Variants in CAMTA1 observed in about 807,000 individuals in gnomAD.
CAMTA1 encodes calmodulin binding transcription activator 1.
CAMTA1 carries 27 observed loss-of-function variants against 170.9 expected under a neutral mutation model. The observed-to-expected ratio is 0.16, with a 90% CI of 0.12 to 0.22. The LOEUF (loss-of-function observed/expected upper bound fraction) is 0.22. CAMTA1 is among the 10% of genes least tolerant of loss of function. The probability of loss-of-function intolerance (pLI) is 1.00; values close to 1 mark genes in which losing one functional copy is unlikely to be tolerated. For missense variants in CAMTA1, 1,619 were observed against 2,217.2 expected, an observed-to-expected ratio of 0.73 and a Z score of 5.42; for synonymous variants, 833 against 891.5, an observed-to-expected ratio of 0.93 and a Z score of 1.17.
intron 3 of CAMTA1, among the ~76,000 whole-genome samples, chr1:7,037,993 C>T (rs2101245846): frequency 6.6e-6 from 1 of 151,342 alleles, no homozygotes; most frequent in East Asian, 1.9e-4. Context: ...TATTTTCCAG[C>T]TGTAAGACCT....
chr1:7,568,365 C>CCA (rs2095072039), intron 6 of CAMTA1, among the ~76,000 whole-genome samples: 2 of 148,738 alleles, frequency 1.3e-5, no homozygotes, highest in African/African-American at 2.5e-5. Context: ...ATCGACATCA[C>CCA]TGTCATCACC....
At chr1:7,043,363 A>C (rs988985629) in intron 3 of CAMTA1, among the ~76,000 whole-genome samples, 1 of 80,588 alleles carries the variant, frequency 1.2e-5, no homozygotes, top group Non-Finnish European at 2.4e-5. Flanking sequence ...GAGTGTGTGC[A>C]TGTCTCTGTG....
intron 3 of CAMTA1, among the ~76,000 whole-genome samples, chr1:7,082,016 G>T (rs1239588657): frequency 6.6e-6 from 1 of 152,158 alleles, no homozygotes; most frequent in Non-Finnish European, 1.5e-5. Context: ...AAAACATTCA[G>T]CTTTGTTCCA....
chr1:7,252,696 C>T (rs1666811703), intron 5 of CAMTA1, among the ~76,000 whole-genome samples: 1 of 152,216 alleles, frequency 6.6e-6, no homozygotes, highest in Non-Finnish European at 1.5e-5. Flanking sequence ...CAGCCAGCTA[C>T]TCTTCTGCTG....
chr1:7,406,403 G>A (rs750835986), intron 5 of CAMTA1, among the ~76,000 whole-genome samples: 3 of 152,174 alleles, frequency 2.0e-5, no homozygotes, highest in Non-Finnish European at 4.4e-5. Context: ...CACTATGCAG[G>A]GCAGTCCTCC....
chr1:7,296,023 C>T (rs1181269283), intron 5 of CAMTA1, among the ~76,000 whole-genome samples: 2 of 152,162 alleles, frequency 1.3e-5, no homozygotes, highest in East Asian at 1.9e-4. Context: ...CTTCTAAACT[C>T]GATCATGGGG....
At chr1:7,129,659 A>T (rs1351697712) in intron 4 of CAMTA1, among the ~76,000 whole-genome samples, 2 of 152,238 alleles carry the variant, frequency 1.3e-5, no homozygotes, top group Non-Finnish European at 2.9e-5. Context: ...TAATTGATGT[A>T]AATAAACTGT....
intron 4 of CAMTA1, among the ~76,000 whole-genome samples, chr1:7,124,309 C>T (rs116611046): frequency 0.01 from 1,541 of 152,246 alleles, 18 homozygotes; most frequent in Middle Eastern, 0.02. Context: ...GTGCTACCGA[C>T]GGGTGCAGCA....
chr1:7,747,687 T>A (rs1010559564), intron 18 of CAMTA1, 23 bp from the exon 19 acceptor site: 3 of 1,550,212 alleles, frequency 1.9e-6, no homozygotes, highest in Non-Finnish European at 2.6e-6. Context: ...ACTGATTTTT[T>A]TTCTCCTTAC....
rs70984088 is a variant in CAMTA1 at position 7,492,668 on chromosome 1, A to AACAC, written c.510+24777_510+24780dup. On this transcript the variant is annotated intron_variant, in intron 6 of 22. Transcript: ENST00000303635. ...ACAATCACACAAACACAAACATACGAACACACACACACAAACACAAACCTA... is the reference window on the plus strand; with the variant it reads ...ACAATCACACAAACACAAACATACGAACACACACACACACACAAACACAAACCTA... 2.5e-3 allele frequency among the ~76,000 whole-genome samples: 139 copies of AACAC among 54,882 alleles called. 1 individual carries two copies. The highest frequency in any genetic ancestry group is 0.012 in the African/African-American group (123 of 9,848). The allele number at this position is 54,882 out of a possible 152,430, so 36.0% of individuals were successfully genotyped here. A position where few individuals can be genotyped will look rare whatever the true frequency, so the allele number is the denominator to read the frequency against.
chr1:7,414,660 T>G (rs1051504068), intron 5 of CAMTA1, among the ~76,000 whole-genome samples: 2 of 152,230 alleles, frequency 1.3e-5, no homozygotes, highest in Admixed American at 6.5e-5. Flanking sequence ...TTCTTCTTTA[T>G]TATTCTTGCT....
At chr1:6,875,032 T>TA (rs1669438004) in intron 3 of CAMTA1, among the ~76,000 whole-genome samples, 1 of 152,188 alleles carries the variant, frequency 6.6e-6, no homozygotes, top group Non-Finnish European at 1.5e-5. Context: ...CATCCACATT[T>TA]ACCTACAAGG....
At chr1:7,502,899 C>G (rs972043503) in intron 6 of CAMTA1, among the ~76,000 whole-genome samples, 2 of 152,102 alleles carry the variant, frequency 1.3e-5, no homozygotes, top group African/African-American at 2.4e-5. Context: ...CCCTGTGGCC[C>G]CTGCCCCGCA....
intron 4 of CAMTA1, among the ~76,000 whole-genome samples, chr1:7,190,051 A>T (rs980785300): frequency 1.3e-5 from 2 of 152,202 alleles, no homozygotes; most frequent in Admixed American, 6.5e-5. Context: ...CAAACATCGT[A>T]TGTTCTCACT....
chr1:7,587,761 C>T (rs1267273656), intron 6 of CAMTA1, among the ~76,000 whole-genome samples: 1 of 152,052 alleles, frequency 6.6e-6, no homozygotes, highest in Non-Finnish European at 1.5e-5. Flanking sequence ...CTCCTGCAAC[C>T]AGGGTCTGCA....
intron 4 of CAMTA1, among the ~76,000 whole-genome samples, chr1:7,116,943 C>A (rs1321888079): frequency 1.3e-5 from 2 of 151,486 alleles, no homozygotes; most frequent in Non-Finnish European, 2.9e-5. Context: ...TGAGCCACTG[C>A]GCCCGGCCAA....
chr1:6,867,960 A>C (rs1408268023), intron 3 of CAMTA1, among the ~76,000 whole-genome samples: 1 of 151,970 alleles, frequency 6.6e-6, no homozygotes, highest in Non-Finnish European at 1.5e-5. Flanking sequence ...GGCATGTACC[A>C]CCACACCCAG....
At chr1:7,538,764 A>C (rs1361236027) in intron 6 of CAMTA1, among the ~76,000 whole-genome samples, 1 of 152,226 alleles carries the variant, frequency 6.6e-6, no homozygotes, top group Non-Finnish European at 1.5e-5. Context: ...GCGTGTGACC[A>C]GCTGACCAGC....
At chr1:7,513,202 T>C (rs922624790) in intron 6 of CAMTA1, among the ~76,000 whole-genome samples, 1 of 152,096 alleles carries the variant, frequency 6.6e-6, no homozygotes, top group Non-Finnish European at 1.5e-5. Flanking sequence ...CGGCCGATTC[T>C]GGGCAGATTC....
Sources: allele counts gnomAD v4.1 joint callset (sites outside exome capture counted in the v4.1 genomes callset), GRCh38; gene constraint gnomAD v4.1.1; transcripts MANE v1.5; gene names NCBI Gene and HGNC (gene_info 2026-07-23, HGNC 2026-07-21).